The following SNTG2 variants were observed in gnomAD, a reference collection of about 807,000 sequenced individuals.
SNTG2 encodes syntrophin gamma 2, also known as gamma-2-syntrophin.
A neutral mutation model predicts 70.9 loss-of-function variants in SNTG2; 74 were observed. The ratio of observed to expected loss-of-function variants is 1.04; its 90% confidence interval spans 0.86 to 1.27. SNTG2 has a LOEUF of 1.27. SNTG2 is among the 50% of genes most tolerant of loss of function. The probability of loss-of-function intolerance (pLI) is 0.00; values close to 1 mark genes in which losing one functional copy is unlikely to be tolerated. For missense variants in SNTG2, 717 were observed against 690.7 expected, an observed-to-expected ratio of 1.04 and a Z score of -0.43; for synonymous variants, 278 against 273.8, an observed-to-expected ratio of 1.02 and a Z score of -0.15.
intron 6 of SNTG2, among the ~76,000 whole-genome samples, chr2:1,159,021 CAT>C (rs1366845861): frequency 6.6e-6 from 1 of 151,938 alleles, no homozygotes; most frequent in Non-Finnish European, 1.5e-5. Flanking sequence ...TGTGTGTGTC[CAT>C]ATGTGTGCAT....
In SNTG2 at chr2:1,260,821, G is replaced by A. The variant is rs112846134; in HGVS notation, c.1077+1380G>A. ...AATTCTTGGCCTTTTTGTTTCCTTCGCATGGGCTCCTCATCAACACATTTT... is the reference window on the plus strand; with the variant it reads ...AATTCTTGGCCTTTTTGTTTCCTTCACATGGGCTCCTCATCAACACATTTT... On this transcript the variant is annotated intron_variant, in intron 13 of 16. Coordinates refer to ENST00000308624, the MANE Select transcript of SNTG2 (RefSeq NM_018968.4). Among the ~76,000 whole-genome samples, 879 of 150,418 alleles carry A rather than the reference G, an allele frequency of 5.8e-3. 7 individuals are homozygous for A. Among genetic ancestry groups the A allele is most frequent in the Admixed American group, 0.01 (156 of 15,084 alleles).
intron 1 of SNTG2, among the ~76,000 whole-genome samples, chr2:972,686 C>A (rs888016832): frequency 6.6e-6 from 1 of 152,052 alleles, no homozygotes; most frequent in Non-Finnish European, 1.5e-5. Context: ...TTGGTACTGT[C>A]CTCCTGATAG....
chr2:1,270,672 C>T (rs1281988305), intron 14 of SNTG2, among the ~76,000 whole-genome samples: 2 of 152,140 alleles, frequency 1.3e-5, no homozygotes, highest in Admixed American at 6.5e-5. Flanking sequence ...TAGAACAGTC[C>T]CCGGCATACT....
intron 9 of SNTG2, among the ~76,000 whole-genome samples, chr2:1,225,325 G>GTTGT (rs1558561750): frequency 6.6e-6 from 1 of 152,196 alleles, no homozygotes; most frequent in East Asian, 1.9e-4. Context: ...TTTAAATGCA[G>GTTGT]TTGTTAGTAA....
intron 9 of SNTG2, among the ~76,000 whole-genome samples, chr2:1,213,189 G>A (rs913722034): frequency 1.4e-4 from 21 of 152,232 alleles, no homozygotes; most frequent in African/African-American, 4.3e-4. Context: ...TACTTGGCAT[G>A]TCAGTAACAT....
chr2:1,221,465 GT>G (rs1674830399), intron 9 of SNTG2, among the ~76,000 whole-genome samples: 659 of 20,666 alleles, frequency 0.032, 86 homozygotes, highest in East Asian at 0.056. Context: ...CTCTGTCTCT[GT>G]CTCTCTGTCT....
intron 16 of SNTG2, among the ~76,000 whole-genome samples, chr2:1,365,394 T>A (rs1661422506): frequency 6.6e-6 from 1 of 152,128 alleles, no homozygotes; most frequent in Non-Finnish European, 1.5e-5. Context: ...ATGTTAAGAG[T>A]CATTCACATG....
chr2:960,063 T>C (rs1660298499), intron 1 of SNTG2, among the ~76,000 whole-genome samples: 1 of 152,188 alleles, frequency 6.6e-6, no homozygotes, highest in Non-Finnish European at 1.5e-5. Flanking sequence ...CTAAGAAATA[T>C]CCATCAATTA....
chr2:1,163,766 T>G (rs1236624415), intron 6 of SNTG2: 1 of 152,304 alleles, frequency 6.6e-6, no homozygotes, highest in Non-Finnish European at 1.5e-5. Context: ...AAGATCTATG[T>G]GAAGCACCGA....
intron 6 of SNTG2, among the ~76,000 whole-genome samples, chr2:1,153,307 G>A (rs542304140): frequency 1.3e-4 from 20 of 152,168 alleles, no homozygotes; most frequent in Admixed American, 9.2e-4. Context: ...TGTGCACAAC[G>A]TGCAGGTTAG....
intron 9 of SNTG2, among the ~76,000 whole-genome samples, chr2:1,227,458 G>C (rs539621520): frequency 5.9e-5 from 9 of 152,366 alleles, no homozygotes; most frequent in South Asian, 2.1e-4. Flanking sequence ...GGAAGTGGAG[G>C]AGCCGCCCAT....
intron 16 of SNTG2, among the ~76,000 whole-genome samples, chr2:1,333,025 G>T (rs1254547093): frequency 6.6e-6 from 1 of 152,146 alleles, no homozygotes; most frequent in East Asian, 1.9e-4. Flanking sequence ...ATCGCTGTTT[G>T]CTGATGATAT....
At chr2:1,307,558 G>A (rs1680755928) in intron 14 of SNTG2, among the ~76,000 whole-genome samples, 1 of 151,960 alleles carries the variant, frequency 6.6e-6, no homozygotes, top group African/African-American at 2.4e-5. Flanking sequence ...TCACAGGGTG[G>A]CTCAGAGACA....
chr2:1,030,862 GA>G (rs1265684778), intron 1 of SNTG2, among the ~76,000 whole-genome samples: 1 of 152,190 alleles, frequency 6.6e-6, no homozygotes, highest in African/African-American at 2.4e-5. Flanking sequence ...CACGTGCACC[GA>G]TGACTATTCG....
At chr2:1,359,620 C>G (rs1489647713) in intron 16 of SNTG2, among the ~76,000 whole-genome samples, 1 of 152,060 alleles carries the variant, frequency 6.6e-6, no homozygotes, top group Non-Finnish European at 1.5e-5. Flanking sequence ...TTGTTGTTGT[C>G]TATTTCACCA....
chr2:1,077,031 T>A (rs1558371860), intron 1 of SNTG2, among the ~76,000 whole-genome samples: 1 of 152,186 alleles, frequency 6.6e-6, no homozygotes, highest in African/African-American at 2.4e-5. Context: ...ATGCTTGTTA[T>A]TTTTGGACTC....
At chr2:1,249,548 C>G (rs1405614062) in intron 12 of SNTG2, among the ~76,000 whole-genome samples, 1 of 152,154 alleles carries the variant, frequency 6.6e-6, no homozygotes, top group African/African-American at 2.4e-5. Context: ...TGGGAACCAC[C>G]TAAGTATGTG....
chr2:1,182,986 C>A (rs1017946485), intron 8 of SNTG2, among the ~76,000 whole-genome samples: 1 of 152,112 alleles, frequency 6.6e-6, no homozygotes, highest in African/African-American at 2.4e-5. Context: ...AACTCCTGGG[C>A]TCAAGCAATC....
chr2:1,235,006 C>A (rs28675277), intron 9 of SNTG2, among the ~76,000 whole-genome samples: 1 of 152,160 alleles, frequency 6.6e-6, no homozygotes, highest in Non-Finnish European at 1.5e-5. Context: ...AAGACACTGT[C>A]GTTAGTACAT....
Sources: allele counts gnomAD v4.1 joint callset (sites outside exome capture counted in the v4.1 genomes callset), GRCh38; gene constraint gnomAD v4.1.1; transcripts MANE v1.5; gene names NCBI Gene and HGNC (gene_info 2026-07-23, HGNC 2026-07-21).